The following UBASH3A variants were observed in gnomAD, a reference collection of about 807,000 sequenced individuals.
UBASH3A encodes ubiquitin associated and SH3 domain containing A, also known as ubiquitin-associated and SH3 domain-containing protein A.
UBASH3A carries 63 observed loss-of-function variants against 73.5 expected under a neutral mutation model. That is an observed-to-expected ratio of 0.86 (90% CI 0.70 to 1.06). UBASH3A has a LOEUF of 1.06. UBASH3A is among the 50% of genes least tolerant of loss of function. The pLI, the probability that UBASH3A is intolerant of heterozygous loss-of-function variation, is 0.00. For missense variants in UBASH3A, 860 were observed against 859.0 expected, an observed-to-expected ratio of 1.00 and a Z score of -0.02; for synonymous variants, 363 against 351.1, an observed-to-expected ratio of 1.03 and a Z score of -0.38.
intron 9 of UBASH3A, among the ~76,000 whole-genome samples, chr21:42,432,495 C>A (rs987950632): frequency 2.1e-5 from 3 of 141,350 alleles, no homozygotes; most frequent in Admixed American, 2.1e-4. Context: ...CTTGCACACC[C>A]CAGCTTTTCT....
intron 5 of UBASH3A, among the ~76,000 whole-genome samples, chr21:42,414,569 C>A (rs755718482): frequency 1.3e-5 from 2 of 152,080 alleles, no homozygotes; most frequent in Non-Finnish European, 2.9e-5. Context: ...TGTGCAGATG[C>A]GATTGGTTGG....
chr21:42,433,426 C>T (rs1412938808), intron 9 of UBASH3A, among the ~76,000 whole-genome samples: 1 of 152,176 alleles, frequency 6.6e-6, no homozygotes, highest in Non-Finnish European at 1.5e-5. Flanking sequence ...CTCACAGGGC[C>T]CCTCACCTCA....
chr21:42,417,878 C>CTTT (rs796939696), intron 6 of UBASH3A, among the ~76,000 whole-genome samples: 148 of 90,594 alleles, frequency 1.6e-3, no homozygotes, highest in East Asian at 3.0e-3. Flanking sequence ...TTCTTTTTTT[C>CTTT]TTTTTTTTTT....
intron 9 of UBASH3A, among the ~76,000 whole-genome samples, chr21:42,432,505 T>A (rs1432935171): frequency 6.6e-6 from 1 of 152,158 alleles, no homozygotes; most frequent in East Asian, 1.9e-4. Context: ...CCAGCTTTTC[T>A]CCTCTGAATG....
At chr21:42,445,853 C>T (rs2053835109) in intron 14 of UBASH3A, among the ~76,000 whole-genome samples, 1 of 152,162 alleles carries the variant, frequency 6.6e-6, no homozygotes, top group Non-Finnish European at 1.5e-5. Context: ...GCTCAACCCC[C>T]CTGGGCCACA....
intron 10 of UBASH3A, among the ~76,000 whole-genome samples, chr21:42,435,883 GTAGAGTTA>G (rs927131848): frequency 2.0e-4 from 30 of 147,878 alleles, no homozygotes; most frequent in East Asian, 4.0e-4. Flanking sequence ...TCATAGAGTT[GTAGAGTTA>G]TAGAGTTATA....
At position 42,413,081 on chromosome 21, in the gene UBASH3A, C is replaced by A. The variant is rs1419211084; in HGVS notation, c.412C>A (p.Leu138Ile). Residue 138 changes from leucine (L) to isoleucine (I), a missense_variant, in exon 4 of 15, where the codon CTC (leucine) becomes ATC (isoleucine). Leu to Ile is a conservative substitution (Grantham distance 5). Transcript: ENST00000319294. The surrounding 1 kb of genome is among the most constrained non-coding windows in gnomAD (Gnocchi z 4.5). ...GGCGCTGAAGAGAGCTGGAGACAGGCTCCTGGGCTCCTTCCCCACGGCCGT... is the reference window on the plus strand; with the variant it reads ...GGCGCTGAAGAGAGCTGGAGACAGGATCCTGGGCTCCTTCCCCACGGCCGT... Reference protein sequence around the residue: ...YEALKRAGDRLLGSFPTAVPL... With the variant: ...YEALKRAGDRILGSFPTAVPL... The A allele has an allele frequency of 6.2e-7, 1 of 1,614,242 alleles. No individual in the cohort carries two copies. The highest frequency in any genetic ancestry group is 1.1e-5 in the South Asian group (1 of 91,086).
chr21:42,432,791 A>T (rs550674028), intron 9 of UBASH3A, among the ~76,000 whole-genome samples: 1 of 152,314 alleles, frequency 6.6e-6, no homozygotes, highest in Admixed American at 6.5e-5. Flanking sequence ...GCAGATGACA[A>T]TCACACACCA....
rs1478068105 is a variant in UBASH3A at position 42,418,711 on chromosome 21, T to A, written c.1046+102T>A. 5 of 1,111,352 alleles carry A rather than the reference T, an allele frequency of 4.5e-6. No homozygotes were observed. The Admixed American group carries it at 1.1e-4, about 25-fold the overall frequency. 68.8% of individuals were successfully genotyped at this position (1,111,352 alleles called of 1,614,324 possible). Reference sequence around the variant, plus strand: ...TGCTTCTAGACCATTCCATTATTGGTAAAATTGCATTCTGTATGCTGACAA... The same window carrying A: ...TGCTTCTAGACCATTCCATTATTGGAAAAATTGCATTCTGTATGCTGACAA... On this transcript the variant is annotated intron_variant, in intron 7 of 14. Transcript: ENST00000319294.
At chr21:42,444,693 G>C in intron 14 of UBASH3A, 50 bp downstream of exon 14, 1 of 1,411,376 alleles carries the variant, frequency 7.1e-7, no homozygotes, top group Non-Finnish European at 1.0e-6. Context: ...GCATCCCGAA[G>C]ACACAGGTTT....
intron 7 of UBASH3A, among the ~76,000 whole-genome samples, chr21:42,423,318 G>C (rs1423477649): frequency 1.3e-5 from 2 of 152,214 alleles, no homozygotes; most frequent in African/African-American, 4.8e-5. Context: ...ACAGGATGTG[G>C]GTGCCACAAG....
intron 1 of UBASH3A, among the ~76,000 whole-genome samples, chr21:42,405,987 G>T (rs776739405): frequency 2.7e-5 from 4 of 148,334 alleles, no homozygotes; most frequent in African/African-American, 4.9e-5. Context: ...AGGCAGTGGG[G>T]GGGGGGGGGG....
chr21:42,429,252 C>T (rs1301924176), intron 8 of UBASH3A, among the ~76,000 whole-genome samples: 1 of 152,176 alleles, frequency 6.6e-6, no homozygotes, highest in African/African-American at 2.4e-5. Context: ...GACTTCCAGC[C>T]TCCAGAGCTG....
intron 7 of UBASH3A, among the ~76,000 whole-genome samples, chr21:42,420,826 T>C (rs2053324911): frequency 6.6e-6 from 1 of 152,258 alleles, no homozygotes; most frequent in Admixed American, 6.5e-5. Flanking sequence ...ATAACCTTGC[T>C]TTTGATTAAT....
At chr21:42,439,652 TCCACACACA>T (rs2053693738) in intron 11 of UBASH3A, among the ~76,000 whole-genome samples, 1 of 146,876 alleles carries the variant, frequency 6.8e-6, no homozygotes, top group African/African-American at 2.5e-5. Flanking sequence ...AGCACACACA[TCCACACACA>T]CCACACACAC....
chr21:42,412,719 G>A (rs1024548775), intron 3 of UBASH3A, among the ~76,000 whole-genome samples: 11 of 152,278 alleles, frequency 7.2e-5, no homozygotes, highest in African/African-American at 2.6e-4. Context: ...GAAAGGGCCT[G>A]GCAGGTGATG....
At position 42,447,191 on chromosome 21, in the gene UBASH3A, C is replaced by G; in HGVS notation, c.1983C>G (p.Asn661Lys). Reference sequence around the variant, plus strand: ...ACTGGAGGAACTGGATCTCAGGCAACTGAGAGCCACGGTGATGTTGTCATA... The same window carrying G: ...ACTGGAGGAACTGGATCTCAGGCAAGTGAGAGCCACGGTGATGTTGTCATA... ...AFNWRNWISG[N>K] Residue 661 changes from asparagine to lysine, a missense_variant, in exon 15 of 15, where the codon AAC becomes AAG. Coordinates refer to ENST00000319294, the MANE Select transcript of UBASH3A (RefSeq NM_018961.4). 1.2e-6 allele frequency: 2 copies of G among 1,613,766 alleles called. No individual in the cohort carries two copies. The highest frequency in any genetic ancestry group is 1.7e-4 in the Middle Eastern group (1 of 6,058).
chr21:42,408,490 T>C (rs2053022494), intron 2 of UBASH3A, among the ~76,000 whole-genome samples: 1 of 152,228 alleles, frequency 6.6e-6, no homozygotes, highest in African/African-American at 2.4e-5. Context: ...GAATTATTAA[T>C]GCAAAGAGTG....
chr21:42,420,652 T>C (rs545367217), intron 7 of UBASH3A, among the ~76,000 whole-genome samples: 3 of 152,224 alleles, frequency 2.0e-5, no homozygotes, highest in East Asian at 1.9e-4. Flanking sequence ...TGAAAACCCA[T>C]GGGCAAGCTG....
Sources: gnomAD v4.1 joint callset for allele counts (sites outside exome capture counted in the v4.1 genomes callset) on GRCh38, gnomAD v4.1.1 for gene constraint, Gnocchi (gnomAD v3.1) non-coding constraint, MANE v1.5 for transcripts, NCBI Gene and HGNC (gene_info 2026-07-23, HGNC 2026-07-21) for gene names.